CDH10: variants seen among roughly 807,000 people sequenced by gnomAD.
CDH10 encodes the protein cadherin 10, also known as cadherin-10.
Under a neutral mutation model 73.1 loss-of-function variants are expected in CDH10, and 30 were observed. That is an observed-to-expected ratio of 0.41 (90% CI 0.31 to 0.56). CDH10 has a LOEUF of 0.56. Ranked by LOEUF, CDH10 falls within the 20% of genes least tolerant of loss-of-function variation. The pLI is 0.27. For missense variants in CDH10, 815 were observed against 973.7 expected, an observed-to-expected ratio of 0.84 and a Z score of 2.17; for synonymous variants, 345 against 348.2, an observed-to-expected ratio of 0.99 and a Z score of 0.10.
chr5:24,543,708 C>A (rs532805658), intron 2 of CDH10, among the ~76,000 whole-genome samples: 186 of 151,940 alleles, frequency 1.2e-3, no homozygotes, highest in East Asian at 3.3e-3. Context: ...ACAACAACAA[C>A]AAAAAAACAC....
chr5:24,552,444 T>C (rs7722868), intron 2 of CDH10, among the ~76,000 whole-genome samples: 20,886 of 151,984 alleles, frequency 0.14, 1,621 homozygotes, highest in Admixed American at 0.21. Context: ...AATTTTCTTG[T>C]GAGTTTTTCC....
chr5:24,546,054 C>T (rs1435301979), intron 2 of CDH10, among the ~76,000 whole-genome samples: 5 of 151,906 alleles, frequency 3.3e-5, no homozygotes, highest in Non-Finnish European at 4.4e-5. Context: ...ACTACGGTCT[C>T]GAGGGACTAT....
intron 2 of CDH10, among the ~76,000 whole-genome samples, chr5:24,541,364 G>A (rs573562935): frequency 4.7e-4 from 71 of 151,656 alleles, no homozygotes; most frequent in African/African-American, 1.5e-3. Context: ...TTCTTTGTGC[G>A]TCTGCGGCAC....
intron 2 of CDH10, among the ~76,000 whole-genome samples, chr5:24,582,388 T>G (rs1264260964): frequency 6.6e-6 from 1 of 152,184 alleles, no homozygotes; most frequent in East Asian, 1.9e-4. Context: ...TCTAGTATTT[T>G]ATTTAGAAAT....
chr5:24,628,818 C>T (rs909826345), intron 1 of CDH10, among the ~76,000 whole-genome samples: 5 of 148,256 alleles, frequency 3.4e-5, no homozygotes, highest in Non-Finnish European at 6.0e-5. Context: ...GAACACTTGC[C>T]GCCCCCCCCA....
chr5:24,526,985 T>A (rs1743555988), intron 5 of CDH10, among the ~76,000 whole-genome samples: 1 of 150,974 alleles, frequency 6.6e-6, no homozygotes, highest in African/African-American at 2.5e-5. Flanking sequence ...GTTCCTTCCC[T>A]CATTGCCCCT....
At chr5:24,566,693 T>A (rs932769503) in intron 2 of CDH10, among the ~76,000 whole-genome samples, 1 of 151,858 alleles carries the variant, frequency 6.6e-6, no homozygotes, top group Non-Finnish European at 1.5e-5. Flanking sequence ...TATATTATTA[T>A]GCTATATACA....
chr5:24,571,891 G>A (rs767398240), intron 2 of CDH10, among the ~76,000 whole-genome samples: 2 of 151,502 alleles, frequency 1.3e-5, no homozygotes, highest in Admixed American at 6.6e-5. Flanking sequence ...TTAACAATAG[G>A]CTCTTGCAAG....
chr5:24,628,034 C>G (rs970695020), intron 1 of CDH10, among the ~76,000 whole-genome samples: 3 of 152,056 alleles, frequency 2.0e-5, no homozygotes, highest in African/African-American at 7.2e-5. Context: ...GGTGTAAGCT[C>G]TACATCATAT....
At chr5:24,638,385 C>T (rs944421249) in intron 1 of CDH10, among the ~76,000 whole-genome samples, 7 of 151,490 alleles carry the variant, frequency 4.6e-5, no homozygotes, top group Admixed American at 4.0e-4. Flanking sequence ...GAAGTCACTT[C>T]TTTAGTGTAG....
At chr5:24,627,807 A>G (rs1747562393) in intron 1 of CDH10, among the ~76,000 whole-genome samples, 1 of 151,906 alleles carries the variant, frequency 6.6e-6, no homozygotes, top group Non-Finnish European at 1.5e-5. Context: ...AATCAGTATT[A>G]GTGAAAGCAC....
intron 5 of CDH10, among the ~76,000 whole-genome samples, chr5:24,519,760 G>A (rs2111807889): frequency 6.6e-6 from 1 of 152,320 alleles, no homozygotes; most frequent in East Asian, 1.9e-4. Context: ...TGTTATATTT[G>A]ACACAATGAC....
intron 1 of CDH10, among the ~76,000 whole-genome samples, chr5:24,641,688 T>C (rs914703019): frequency 6.6e-6 from 1 of 152,086 alleles, no homozygotes; most frequent in Non-Finnish European, 1.5e-5. Context: ...TTGTACTTAG[T>C]ATAACGCTTA....
intron 9 of CDH10, among the ~76,000 whole-genome samples, chr5:24,493,284 A>G: frequency 6.6e-6 from 1 of 151,986 alleles, no homozygotes; most frequent in Non-Finnish European, 1.5e-5. Context: ...TATTGTGACT[A>G]TGCTTTGTTT....
chr5:24,569,762 T>C (rs933227217), intron 2 of CDH10, among the ~76,000 whole-genome samples: 2 of 151,110 alleles, frequency 1.3e-5, no homozygotes, highest in Non-Finnish European at 2.9e-5. Context: ...TGAACAAATG[T>C]GTGCTTTTTT....
At chr5:24,566,159 A>T (rs1469575616) in intron 2 of CDH10, among the ~76,000 whole-genome samples, 1 of 151,994 alleles carries the variant, frequency 6.6e-6, no homozygotes, top group East Asian at 1.9e-4. Flanking sequence ...AGCCATTCTC[A>T]TGCCTCAGCC....
At chr5:24,524,989 A>G (rs1448458421) in intron 5 of CDH10, among the ~76,000 whole-genome samples, 1 of 152,092 alleles carries the variant, frequency 6.6e-6, no homozygotes, top group Non-Finnish European at 1.5e-5. Flanking sequence ...TTGCACTTGA[A>G]TATTTAAAAT....
intron 9 of CDH10, among the ~76,000 whole-genome samples, chr5:24,496,750 T>A (rs1271932874): frequency 2.6e-5 from 4 of 152,270 alleles, no homozygotes; most frequent in African/African-American, 7.2e-5. Flanking sequence ...GAGTCAGAGC[T>A]AACAAATTAA....
At chr5:24,545,304 G>C (rs1298601065) in intron 2 of CDH10, among the ~76,000 whole-genome samples, 1 of 152,272 alleles carries the variant, frequency 6.6e-6, no homozygotes, top group East Asian at 1.9e-4. Context: ...AGGGATATAT[G>C]TACACAGGTG....
Sources: gnomAD v4.1 joint callset for allele counts (sites outside exome capture counted in the v4.1 genomes callset) on GRCh38, gnomAD v4.1.1 for gene constraint, MANE v1.5 for transcripts, NCBI Gene and HGNC (gene_info 2026-07-23, HGNC 2026-07-21) for gene names.